The following CNTNAP2 variants were observed in gnomAD, a reference collection of about 807,000 sequenced individuals.
The protein encoded by CNTNAP2 is contactin associated protein 2, also known as contactin-associated protein-like 2.
In CNTNAP2, 98 loss-of-function variants were observed where a neutral mutation model predicts 155.2. The ratio of observed to expected loss-of-function variants is 0.63; its 90% CI spans 0.54 to 0.75. The LOEUF (loss-of-function observed/expected upper bound fraction) is 0.75. CNTNAP2 is among the 30% of genes least tolerant of loss of function. The probability of loss-of-function intolerance (pLI) is 0.00; values close to 1 mark genes in which losing one functional copy is unlikely to be tolerated. For synonymous variants in CNTNAP2, 651 were observed against 631.2 expected (o/e 1.03, Z -0.47); for missense variants, 1,727 against 1,688.1 (o/e 1.02, Z -0.40).
chr7:147,415,831 A>G (rs954869845), intron 10 of CNTNAP2, among the ~76,000 whole-genome samples: 6 of 152,162 alleles, frequency 3.9e-5, no homozygotes, highest in Middle Eastern at 3.2e-3. Flanking sequence ...GAGTGTAACA[A>G]GTGTGAACTG....
At chr7:147,559,133 C>T (rs956020238) in intron 11 of CNTNAP2, among the ~76,000 whole-genome samples, 2 of 152,188 alleles carry the variant, frequency 1.3e-5, no homozygotes, top group Admixed American at 1.3e-4. Context: ...ACCTAAGTCT[C>T]CCAAAGTGTT....
chr7:148,078,478 A>C (rs1321814325), intron 15 of CNTNAP2, among the ~76,000 whole-genome samples: 1 of 151,882 alleles, frequency 6.6e-6, no homozygotes, highest in Non-Finnish European at 1.5e-5. Flanking sequence ...TACACCTATG[A>C]TTTGAGAATA....
chr7:147,545,977 C>T (rs568575844), intron 11 of CNTNAP2, among the ~76,000 whole-genome samples: 6 of 152,256 alleles, frequency 3.9e-5, no homozygotes, highest in South Asian at 2.1e-4. Flanking sequence ...TCTTGCCTGC[C>T]GCCATGTAAG....
At chr7:147,536,879 G>A (rs943671920) in intron 11 of CNTNAP2, among the ~76,000 whole-genome samples, 11 of 152,098 alleles carry the variant, frequency 7.2e-5, no homozygotes, top group African/African-American at 1.9e-4. Flanking sequence ...ATGCCTGGCC[G>A]TAAAGCCTCC....
At position 147,043,949 on chromosome 7, in the gene CNTNAP2, G is replaced by A; in HGVS notation, c.445G>A (p.Glu149Lys). Reference sequence around the variant, plus strand: ...TAACTCTGACGGTGTGGTCCGGCACGAATTACAGCATCCGATTATTGCCCG... The same window carrying A: ...TAACTCTGACGGTGTGGTCCGGCACAAATTACAGCATCCGATTATTGCCCG... ...NINSDGVVRH[E>K]LQHPIIARYV... The change falls in exon 4 of 24, where the codon GAA becomes AAA. Residue 149 changes from glutamate (E) to lysine (K), a missense_variant. Glu to Lys is a moderately conservative substitution (Grantham distance 56). Transcript: ENST00000361727. 6.2e-7 allele frequency: 1 copy of A among 1,614,148 alleles called. No homozygotes were observed. Among genetic ancestry groups the A allele is most frequent in the Non-Finnish European group, 8.5e-7 (1 of 1,180,008 alleles).
chr7:146,903,341 C>A, intron 3 of CNTNAP2, among the ~76,000 whole-genome samples: 1 of 152,212 alleles, frequency 6.6e-6, no homozygotes, highest in South Asian at 2.1e-4. Context: ...TATAACTCTA[C>A]CCCAGATCTG....
intron 12 of CNTNAP2, among the ~76,000 whole-genome samples, chr7:147,623,147 A>T (rs1794898546): frequency 6.6e-6 from 1 of 151,994 alleles, no homozygotes; most frequent in Non-Finnish European, 1.5e-5. Flanking sequence ...AGAAAAGCAC[A>T]GGAACTGAAG....
intron 1 of CNTNAP2, among the ~76,000 whole-genome samples, chr7:146,129,348 T>C (rs1797682246): frequency 6.6e-6 from 1 of 152,230 alleles, no homozygotes. Flanking sequence ...AGATCTGCTA[T>C]TTGTTCATTT....
intron 1 of CNTNAP2, among the ~76,000 whole-genome samples, chr7:146,234,165 G>C (rs1336623069): frequency 6.0e-5 from 9 of 150,714 alleles, no homozygotes; most frequent in Non-Finnish European, 1.0e-4. Context: ...ATTCTAACTG[G>C]TGTGAGATGG....
chr7:147,438,122 G>A (rs1211717635), intron 10 of CNTNAP2, among the ~76,000 whole-genome samples: 1 of 151,922 alleles, frequency 6.6e-6, no homozygotes, highest in Non-Finnish European at 1.5e-5. Flanking sequence ...TTGTCTGATT[G>A]TTTTATCTAG....
intron 13 of CNTNAP2, among the ~76,000 whole-genome samples, chr7:147,736,841 C>T (rs1304233535): frequency 5.3e-5 from 8 of 152,310 alleles, no homozygotes; most frequent in East Asian, 3.9e-4. Context: ...GCATTCGTCA[C>T]GTAGTTCTCG....
rs191029877 is a variant in CNTNAP2, at chr7:148,146,463, C to T, written c.2555-1028C>T. Among the ~76,000 whole-genome samples, 270 of 152,356 alleles carry T rather than the reference C, an allele frequency of 1.8e-3. 1 individual carries two copies. Among genetic ancestry groups the T allele is most frequent in the African/African-American group, 6.3e-3 (263 of 41,590 alleles). ...TATAAAATGTGAAATTAGAAAGCTACTTATAGCTAAAGTTAATAAAGCAAC... is the reference window on the plus strand; with the variant it reads ...TATAAAATGTGAAATTAGAAAGCTATTTATAGCTAAAGTTAATAAAGCAAC... On this transcript the variant is annotated intron_variant, in intron 16 of 23. Transcript: ENST00000361727.
At chr7:147,365,762 C>T (rs1842271) in intron 9 of CNTNAP2, among the ~76,000 whole-genome samples, 34,915 of 152,060 alleles carry the variant, frequency 0.23, 4,382 homozygotes, top group Non-Finnish European at 0.28. Flanking sequence ...TTGTTCATTT[C>T]TATCAACATA....
chr7:148,369,643 C>CATTATT (rs10694264), intron 21 of CNTNAP2, among the ~76,000 whole-genome samples: 18,793 of 143,318 alleles, frequency 0.13, 1,359 homozygotes, highest in African/African-American at 0.17. Context: ...TGTTCTTTAT[C>CATTATT]ATTATTATTA....
At chr7:147,347,058 A>G (rs1795875512) in intron 9 of CNTNAP2, among the ~76,000 whole-genome samples, 1 of 152,194 alleles carries the variant, frequency 6.6e-6, no homozygotes, top group African/African-American at 2.4e-5. Context: ...CCTATTGTTT[A>G]GTGGAAGAGA....
chr7:146,813,587 G>A lies in CNTNAP2; in HGVS notation c.209-26124G>A, dbSNP rs149349687. 9.9e-3 allele frequency among the ~76,000 whole-genome samples: 1,509 copies of A among 152,250 alleles called. 28 individuals are homozygous for A. The highest frequency in any genetic ancestry group is 0.033 in the African/African-American group (1,363 of 41,546). ...TTTTTGATTTTACAGGCTTATAGGTGGAAGGGACTTGCCTTGTCTCAGATG... is the reference window on the plus strand; with the variant it reads ...TTTTTGATTTTACAGGCTTATAGGTAGAAGGGACTTGCCTTGTCTCAGATG... On this transcript the variant is annotated intron_variant, in intron 2 of 23. Transcript: ENST00000361727.
At chr7:146,341,381 A>T (rs1383885201) in intron 1 of CNTNAP2, among the ~76,000 whole-genome samples, 1 of 152,174 alleles carries the variant, frequency 6.6e-6, no homozygotes, top group African/African-American at 2.4e-5. Context: ...CAATTAAAGG[A>T]TTCAGTAAGG....
chr7:146,358,894 G>C (rs371852542), intron 1 of CNTNAP2, among the ~76,000 whole-genome samples: 4 of 152,284 alleles, frequency 2.6e-5, no homozygotes, highest in South Asian at 4.1e-4. Context: ...CTTGGATTCT[G>C]TTTCTATAGG....
chr7:147,413,318 G>C (rs140706892), intron 10 of CNTNAP2, among the ~76,000 whole-genome samples: 2 of 152,232 alleles, frequency 1.3e-5, no homozygotes, highest in East Asian at 3.9e-4. Flanking sequence ...AAGTATTCAA[G>C]GTAAAACAGT....
Sources: gnomAD v4.1 joint callset for allele counts (sites outside exome capture counted in the v4.1 genomes callset) on GRCh38, gnomAD v4.1.1 for gene constraint, MANE v1.5 for transcripts, NCBI Gene and HGNC (gene_info 2026-07-23, HGNC 2026-07-21) for gene names.